MAML2: variants seen among roughly 807,000 people sequenced by gnomAD.
MAML2 encodes mastermind like transcriptional coactivator 2, also known as mastermind-like protein 2.
MAML2 carries 22 observed loss-of-function variants against 96.1 expected under a neutral mutation model. The ratio of observed to expected loss-of-function variants is 0.23; its 90% CI spans 0.16 to 0.33. The LOEUF is 0.33. MAML2 is among the 10% of genes least tolerant of loss of function. The pLI is 1.00. For synonymous variants in MAML2, 561 were observed against 521.3 expected (o/e 1.08, Z -1.04); for missense variants, 1,367 against 1,392.4 (o/e 0.98, Z 0.29).
intron 1 of MAML2, among the ~76,000 whole-genome samples, chr11:96,274,302 T>G (rs1862957054): frequency 6.6e-6 from 1 of 152,108 alleles, no homozygotes; most frequent in Non-Finnish European, 1.5e-5. Context: ...CAGGATGGTC[T>G]CGATCTCCTG....
At chr11:96,098,354 A>C (rs376537153) in intron 1 of MAML2, among the ~76,000 whole-genome samples, 2 of 152,366 alleles carry the variant, frequency 1.3e-5, no homozygotes, top group East Asian at 3.9e-4. Flanking sequence ...AGCCAGCAGC[A>C]GGATGTAAAG....
intron 1 of MAML2, among the ~76,000 whole-genome samples, chr11:96,339,974 C>G (rs1383959334): frequency 6.6e-6 from 1 of 152,130 alleles, no homozygotes; most frequent in East Asian, 1.9e-4. Flanking sequence ...AACTGTAAAC[C>G]CTGTGCAGTT....
At chr11:96,062,063 C>A (rs1039016662) in intron 2 of MAML2, among the ~76,000 whole-genome samples, 1 of 152,094 alleles carries the variant, frequency 6.6e-6, no homozygotes, top group Non-Finnish European at 1.5e-5. Context: ...TGATTTTAAT[C>A]ATCTTAAAAC....
intron 1 of MAML2, among the ~76,000 whole-genome samples, chr11:96,263,948 G>C (rs1009527008): frequency 1.1e-4 from 17 of 152,164 alleles, no homozygotes; most frequent in African/African-American, 3.9e-4. Context: ...GACCTCCTTA[G>C]GGGGATTTGG....
chr11:96,274,440 T>C (rs1013587976), intron 1 of MAML2, among the ~76,000 whole-genome samples: 1 of 152,198 alleles, frequency 6.6e-6, no homozygotes, highest in African/African-American at 2.4e-5. Context: ...CACGTCTCTT[T>C]CTCTCTACTA....
intron 1 of MAML2, among the ~76,000 whole-genome samples, chr11:96,097,859 C>T (rs7944701): frequency 0.79 from 119,686 of 152,060 alleles, 47,515 homozygotes; most frequent in Middle Eastern, 0.89. Context: ...GAGGCTTGTG[C>T]TCTTATATAC....
intron 2 of MAML2, among the ~76,000 whole-genome samples, chr11:96,021,085 T>C (rs1858428642): frequency 6.6e-6 from 1 of 152,210 alleles, no homozygotes; most frequent in Non-Finnish European, 1.5e-5. Flanking sequence ...TATGTAAATG[T>C]GGAAGCCTTC....
intron 1 of MAML2, among the ~76,000 whole-genome samples, chr11:96,110,177 G>T (rs921605059): frequency 6.6e-6 from 1 of 152,112 alleles, no homozygotes; most frequent in African/African-American, 2.4e-5. Flanking sequence ...GTTTTGAGGA[G>T]TGGATGGAAG....
intron 2 of MAML2, among the ~76,000 whole-genome samples, chr11:96,080,867 G>C (rs984741825): frequency 6.6e-6 from 1 of 152,184 alleles, no homozygotes; most frequent in Non-Finnish European, 1.5e-5. Flanking sequence ...AGCTGGCCCT[G>C]AAACCTGAAC....
rs542299678 is a variant in MAML2 at position 96,309,297 on chromosome 11, C to A, written c.513+32086G>T. On this transcript the variant is annotated intron_variant, in intron 1 of 4. Coordinates refer to ENST00000524717, the MANE Select transcript of MAML2 (RefSeq NM_032427.4). ...TTTCAAAACTGCCCTTTAGTTTAAC[C>A]CTATAGTTGTGATTTAGTAGAAGGA... Among the ~76,000 whole-genome samples the A allele has an allele frequency of 2.6e-5, 4 of 152,144 alleles. No homozygotes were observed. The South Asian group carries it at 8.3e-4, about 31-fold the overall frequency.
intron 2 of MAML2, among the ~76,000 whole-genome samples, chr11:96,041,017 G>A (rs987537570): frequency 6.6e-6 from 1 of 152,198 alleles, no homozygotes; most frequent in Admixed American, 6.5e-5. Context: ...TTGCTGTAGA[G>A]TATGTTCCAG....
chr11:96,298,884 T>C (rs1388422738), intron 1 of MAML2, among the ~76,000 whole-genome samples: 3 of 144,634 alleles, frequency 2.1e-5, no homozygotes, highest in Non-Finnish European at 4.6e-5. Flanking sequence ...CTACTAAAAA[T>C]ACAAAAAAAA....
intron 1 of MAML2, among the ~76,000 whole-genome samples, chr11:96,136,258 G>A (rs1421263379): frequency 6.7e-6 from 1 of 149,758 alleles, no homozygotes; most frequent in African/African-American, 2.5e-5. Flanking sequence ...TTTGCAGAAT[G>A]AGCCGCATAA....
intron 2 of MAML2, among the ~76,000 whole-genome samples, chr11:96,068,800 A>G (rs1161969060): frequency 6.6e-6 from 1 of 150,782 alleles, no homozygotes; most frequent in Non-Finnish European, 1.5e-5. Context: ...ATTGCACTCC[A>G]GCCTGGGCGA....
intron 2 of MAML2, among the ~76,000 whole-genome samples, chr11:96,049,839 T>C (rs1445790267): frequency 6.6e-6 from 1 of 152,236 alleles, no homozygotes; most frequent in Non-Finnish European, 1.5e-5. Context: ...TAATGTGGAA[T>C]GACTTGGGAG....
intron 1 of MAML2, among the ~76,000 whole-genome samples, chr11:96,169,930 G>A (rs1234474932): frequency 6.6e-6 from 1 of 152,264 alleles, no homozygotes; most frequent in African/African-American, 2.4e-5. Context: ...TGGGATTGCA[G>A]GCGTGGGCCA....
chr11:96,195,266 A>G (rs1252806734), intron 1 of MAML2, among the ~76,000 whole-genome samples: 2 of 152,222 alleles, frequency 1.3e-5, no homozygotes, highest in Non-Finnish European at 2.9e-5. Flanking sequence ...ATTAAGCCAC[A>G]GTGCTCTCCT....
At chr11:96,242,100 C>CT (rs1862445987) in intron 1 of MAML2, among the ~76,000 whole-genome samples, 1 of 152,278 alleles carries the variant, frequency 6.6e-6, no homozygotes, top group African/African-American at 2.4e-5. Context: ...AGTTAATTCA[C>CT]TTTTTTACTT....
At chr11:96,071,051 A>G (rs1565205330) in intron 2 of MAML2, among the ~76,000 whole-genome samples, 1 of 152,278 alleles carries the variant, frequency 6.6e-6, no homozygotes, top group African/African-American at 2.4e-5. Flanking sequence ...AGATATTTAC[A>G]TGAAAGCTAA....
Sources: gnomAD v4.1 joint callset for allele counts (sites outside exome capture counted in the v4.1 genomes callset) on GRCh38, gnomAD v4.1.1 for gene constraint, MANE v1.5 for transcripts, NCBI Gene and HGNC (gene_info 2026-07-23, HGNC 2026-07-21) for gene names.